EIPR1: variants seen among roughly 807,000 people sequenced by gnomAD.
EIPR1 encodes EARP complex and GARP complex interacting protein 1.
EIPR1 carries 25 observed loss-of-function variants against 48.1 expected under a neutral mutation model. The observed-to-expected ratio is 0.52, with a 90% CI of 0.38 to 0.73. The LOEUF (loss-of-function observed/expected upper bound fraction) is 0.73, where lower values mean the gene tolerates loss of function less well. Among genes scored for constraint, EIPR1 ranks in the 30% least tolerant of loss-of-function variants. The pLI is 0.00. For missense variants in EIPR1, 415 were observed against 506.2 expected, an observed-to-expected ratio of 0.82 and a Z score of 1.73; for synonymous variants, 204 against 201.9, an observed-to-expected ratio of 1.01 and a Z score of -0.09.
In EIPR1 at chr2:3,189,347, T is replaced by C; in HGVS notation, c.1151A>G (p.His384Arg). Reference protein sequence around the residue: ...INRVPRALKYHILL With the variant: ...INRVPRALKYRILL The stretch of plus-strand genomic sequence containing the variant: ...CAGGCCCGGGAGTCATAGCAGGATG[T>C]GGTACTTCAGGGCCCTGGGCACCCT... Residue 384 changes from histidine to arginine, a missense_variant, in exon 9 of 9, where the codon CAC (histidine) becomes CGC (arginine). Physicochemically the swap from His to Arg is conservative, Grantham distance 29. Coordinates refer to ENST00000382125, the MANE Select transcript of EIPR1 (RefSeq NM_003310.5). The surrounding 1 kb of genome is among the most constrained non-coding windows in gnomAD (Gnocchi z 4.6). 6.3e-7 allele frequency: 1 copy of C among 1,591,136 alleles called. No homozygotes were observed. The highest frequency in any genetic ancestry group is 8.6e-7 in the Non-Finnish European group (1 of 1,164,076).
intron 5 of EIPR1, among the ~76,000 whole-genome samples, chr2:3,200,887 C>A (rs535354894): frequency 5.3e-5 from 8 of 152,116 alleles, no homozygotes; most frequent in Non-Finnish European, 8.8e-5. Flanking sequence ...ACAGAGTGAC[C>A]GAACCAGAAA....
chr2:3,189,840 G>A lies in EIPR1; in HGVS notation c.990-332C>T, dbSNP rs188235155. The stretch of plus-strand genomic sequence containing the variant: ...GATATTTTGTTGGAGGTCTTCCAAG[G>A]GCTTCCTTTAGCTCAGGGGAAAGAC... On this transcript the variant is annotated intron_variant, in intron 8 of 8. Transcript: ENST00000382125. The surrounding 1 kb of genome is among the most constrained non-coding windows in gnomAD (Gnocchi z 4.6). 5.6e-4 allele frequency among the ~76,000 whole-genome samples: 85 copies of A among 152,294 alleles called. No homozygotes were observed. The highest frequency in any genetic ancestry group is 1.9e-3 in the African/African-American group (81 of 41,550).
chr2:3,292,218 G>A (rs1248855316), intron 3 of EIPR1, among the ~76,000 whole-genome samples: 1 of 152,206 alleles, frequency 6.6e-6, no homozygotes, highest in African/African-American at 2.4e-5. Context: ...TGACTGCGCG[G>A]CCAGACTGGG....
intron 4 of EIPR1, among the ~76,000 whole-genome samples, chr2:3,233,932 A>G (rs1034263882): frequency 3.3e-5 from 5 of 152,242 alleles, no homozygotes; most frequent in Admixed American, 6.5e-5. Context: ...AAGGGGCTCA[A>G]TGACAAGTAT....
chr2:3,226,741 G>A (rs1410760693), intron 4 of EIPR1, among the ~76,000 whole-genome samples: 2 of 152,200 alleles, frequency 1.3e-5, no homozygotes, highest in South Asian at 2.1e-4. Flanking sequence ...ATGTCAAATT[G>A]TAATTCCCAG....
chr2:3,225,936 G>C (rs148647774), intron 4 of EIPR1, among the ~76,000 whole-genome samples: 1 of 152,290 alleles, frequency 6.6e-6, no homozygotes, highest in African/African-American at 2.4e-5. Context: ...TGTCCTCCAG[G>C]TTCGTCCATA....
chr2:3,276,471 TG>T lies in EIPR1; in HGVS notation c.260-19017del, dbSNP rs1667852670. Among the ~76,000 whole-genome samples, 2 of 152,250 alleles carry T rather than the reference TG, an allele frequency of 1.3e-5. 1 individual carries two copies. The highest frequency in any genetic ancestry group is 4.8e-5 in the African/African-American group (2 of 41,462). On this transcript the variant is annotated intron_variant, in intron 3 of 8. Coordinates refer to ENST00000382125, the MANE Select transcript of EIPR1 (RefSeq NM_003310.5). ...TTTAGCTGCAGTCTTTCTGCAAGAT[TG>T]CTCTTCTAACGTGGTCAGGAGTCCA... is the stretch of plus-strand genomic sequence containing the variant.
At chr2:3,239,641 C>T (rs10176162) in intron 4 of EIPR1, among the ~76,000 whole-genome samples, 6,116 of 151,904 alleles carry the variant, frequency 0.04, 138 homozygotes, top group South Asian at 0.074. Flanking sequence ...AACCCCCTTT[C>T]CACATGTGGC....
intron 2 of EIPR1, among the ~76,000 whole-genome samples, chr2:3,339,341 C>G (rs1178436461): frequency 1.3e-5 from 2 of 152,196 alleles, no homozygotes; most frequent in Non-Finnish European, 2.9e-5. Flanking sequence ...GCCTGGCGCA[C>G]TCTGCAATAC....
At chr2:3,326,609 G>A (rs114325517) in intron 3 of EIPR1, among the ~76,000 whole-genome samples, 1,684 of 152,258 alleles carry the variant, frequency 0.011, 30 homozygotes, top group African/African-American at 0.039. Context: ...TCATGTCCAG[G>A]GTGTGACAGA....
At chr2:3,295,901 CTT>C (rs1212636479) in intron 3 of EIPR1, among the ~76,000 whole-genome samples, 4 of 129,378 alleles carry the variant, frequency 3.1e-5, no homozygotes, top group Non-Finnish European at 3.3e-5. Flanking sequence ...CCCATTCTCT[CTT>C]TACACACCCT....
At chr2:3,281,500 A>G (rs898557070) in intron 3 of EIPR1, among the ~76,000 whole-genome samples, 3 of 152,174 alleles carry the variant, frequency 2.0e-5, no homozygotes, top group Non-Finnish European at 2.9e-5. Context: ...AAAGAGAGCA[A>G]CTGGAGTGGT....
intron 6 of EIPR1, among the ~76,000 whole-genome samples, chr2:3,195,596 G>C (rs1664777022): frequency 6.6e-6 from 1 of 152,124 alleles, no homozygotes; most frequent in Non-Finnish European, 1.5e-5. Context: ...AACAGGCAAA[G>C]GTAGAAAATT....
At chr2:3,320,958 T>C (rs1382116332) in intron 3 of EIPR1, among the ~76,000 whole-genome samples, 1 of 152,184 alleles carries the variant, frequency 6.6e-6, no homozygotes, top group Non-Finnish European at 1.5e-5. Flanking sequence ...TAAAATAAAA[T>C]GCAAAATGTT....
chr2:3,331,178 T>C (rs1256753252), intron 3 of EIPR1, among the ~76,000 whole-genome samples: 7 of 110,636 alleles, frequency 6.3e-5, no homozygotes, highest in Admixed American at 6.0e-4. Context: ...CAGAGGCAGG[T>C]GTACACTCAT....
At chr2:3,263,333 CCA>C (rs1168847559) in intron 3 of EIPR1, among the ~76,000 whole-genome samples, 3 of 152,194 alleles carry the variant, frequency 2.0e-5, no homozygotes, top group Non-Finnish European at 2.9e-5. Flanking sequence ...GGAGACCCAC[CCA>C]CAGTATTGCA....
At chr2:3,281,134 G>T (rs1043427383) in intron 3 of EIPR1, among the ~76,000 whole-genome samples, 4 of 152,122 alleles carry the variant, frequency 2.6e-5, no homozygotes, top group South Asian at 4.1e-4. Flanking sequence ...ACACTCCCTG[G>T]TCTTTCGGTA....
chr2:3,261,976 A>G (rs1360754540), intron 3 of EIPR1: 7 of 152,252 alleles, frequency 4.6e-5, no homozygotes, highest in African/African-American at 1.7e-4. Flanking sequence ...TGGCTTCTGC[A>G]GAAAGCTAAT....
intron 2 of EIPR1, among the ~76,000 whole-genome samples, chr2:3,341,095 C>CAGAAAAAAAAAA (rs1670227227): frequency 9.0e-5 from 2 of 22,206 alleles, no homozygotes; most frequent in African/African-American, 2.6e-4. Flanking sequence ...GATCCTGTCT[C>CAGAAAAAAAAAA]AAAAAAAAAA....
Sources: gnomAD v4.1 joint callset for allele counts (sites outside exome capture counted in the v4.1 genomes callset) on GRCh38, gnomAD v4.1.1 for gene constraint, Gnocchi (gnomAD v3.1) non-coding constraint, MANE v1.5 for transcripts, NCBI Gene and HGNC (gene_info 2026-07-23, HGNC 2026-07-21) for gene names.